CLVS1: variants seen among roughly 807,000 people sequenced by gnomAD.
CLVS1 encodes clavesin 1.
Under a neutral mutation model 33.1 loss-of-function variants are expected in CLVS1, and 10 were observed. The ratio of observed to expected loss-of-function variants is 0.30; its 90% CI spans 0.19 to 0.51. The LOEUF (loss-of-function observed/expected upper bound fraction) is 0.51. CLVS1 is among the 20% of genes least tolerant of loss of function. CLVS1 has a pLI of 0.97. For missense variants in CLVS1, 343 were observed against 433.4 expected (o/e 0.79, Z 1.85); for synonymous variants, 163 against 166.1 (o/e 0.98, Z 0.14).
intron 2 of CLVS1, among the ~76,000 whole-genome samples, chr8:61,250,737 G>C (rs1254154441): frequency 6.6e-6 from 1 of 152,104 alleles, no homozygotes; most frequent in Non-Finnish European, 1.5e-5. Context: ...TTGGTGTAAA[G>C]GAATGCATGT....
At chr8:61,027,371 G>A in the CLVS1 span, among the ~76,000 whole-genome samples, 1 of 152,104 alleles carries the variant, frequency 6.6e-6, no homozygotes, top group African/African-American at 2.4e-5. Flanking sequence ...TGAATTCAGT[G>A]GACCTAAGGC....
At chr8:60,974,453 C>T in the CLVS1 span, among the ~76,000 whole-genome samples, 1 of 152,198 alleles carries the variant, frequency 6.6e-6, no homozygotes, top group Non-Finnish European at 1.5e-5. Context: ...GTACTTTGAT[C>T]CATCCCTTCA....
chr8:61,335,288 G>A (rs968102151), intron 2 of CLVS1, among the ~76,000 whole-genome samples: 4 of 152,204 alleles, frequency 2.6e-5, no homozygotes, highest in Non-Finnish European at 5.9e-5. Flanking sequence ...CGACAAGAAG[G>A]AGGACTGCTT....
chr8:61,047,806 C>T, the CLVS1 span, among the ~76,000 whole-genome samples: 4 of 151,880 alleles, frequency 2.6e-5, no homozygotes, highest in South Asian at 2.1e-4. Context: ...TTGCGGGGAG[C>T]GGGGAGGGAT....
At chr8:60,982,792 C>G in the CLVS1 span, among the ~76,000 whole-genome samples, 1 of 152,164 alleles carries the variant, frequency 6.6e-6, no homozygotes, top group Non-Finnish European at 1.5e-5. Flanking sequence ...AAATGTGATG[C>G]TGGGCATGGT....
rs560022068 is a variant in CLVS1 at position 61,161,868 on chromosome 8, A to G, written c.-152+30008A>G. ...CTTAATAAGCATTTTTAAACTGTCTATGTATATCAAAACACCACATTGTAC... is the reference window on the plus strand; with the variant it reads ...CTTAATAAGCATTTTTAAACTGTCTGTGTATATCAAAACACCACATTGTAC... On this transcript the variant is annotated intron_variant, in intron 2 of 2. Coordinates refer to the CLVS1 transcript ENST00000522621. 4.6e-5 allele frequency among the ~76,000 whole-genome samples: 7 copies of G among 152,350 alleles called. No individual in the cohort carries two copies. The East Asian group carries it at 5.8e-4, about 13-fold the overall frequency.
intron 1 of CLVS1, 34 bp from the exon 2 acceptor site, chr8:61,299,643 T>C (rs912128306): frequency 1.7e-6 from 1 of 573,522 alleles, no homozygotes; most frequent in Non-Finnish European, 3.1e-6. Flanking sequence ...GTATCATCTC[T>C]CTTCTGTTTC....
intron 2 of CLVS1, among the ~76,000 whole-genome samples, chr8:61,250,176 TC>T (rs1310050788): frequency 6.6e-6 from 1 of 152,210 alleles, no homozygotes; most frequent in Non-Finnish European, 1.5e-5. Flanking sequence ...CAATAGGGAA[TC>T]TTTTCCCCAT....
intron 3 of CLVS1, among the ~76,000 whole-genome samples, chr8:61,406,756 C>T (rs970606911): frequency 1.2e-4 from 19 of 152,082 alleles, no homozygotes; most frequent in Admixed American, 7.9e-4. Flanking sequence ...TACAGGTGCA[C>T]GCCACCTCTC....
At chr8:61,127,854 C>A (rs557309220) in intron 1 of CLVS1, among the ~76,000 whole-genome samples, 11 of 152,176 alleles carry the variant, frequency 7.2e-5, no homozygotes, top group Non-Finnish European at 1.3e-4. Context: ...ATACTACTAG[C>A]ATTCTATTTT....
chr8:61,492,928 A>T (rs1439613741), intron 5 of CLVS1, among the ~76,000 whole-genome samples: 1 of 152,218 alleles, frequency 6.6e-6, no homozygotes, highest in Non-Finnish European at 1.5e-5. Flanking sequence ...AGCTGAACAG[A>T]AGAATACATG....
chr8:61,088,873 C>T (rs1009070874), intron 1 of CLVS1, among the ~76,000 whole-genome samples: 5 of 150,864 alleles, frequency 3.3e-5, no homozygotes, highest in South Asian at 2.1e-4. Flanking sequence ...GAGATCTCGG[C>T]TCACTGCAAG....
Position 61,158,227 on chromosome 8 carries a change from A to G in CLVS1, c.-152+26367A>G, listed in dbSNP as rs1424923869. Among the ~76,000 whole-genome samples the G allele has an allele frequency of 3.3e-5, 5 of 152,310 alleles. No homozygotes were observed. In the South Asian group the frequency reaches 8.3e-4, roughly 25 times the overall value. ...GCCAGATCCCCCATCCCTAAACTAC[A>G]TAATGTGTGATTCTACTCATATAAG... On this transcript the variant is annotated intron_variant, in intron 2 of 2. Coordinates refer to the CLVS1 transcript ENST00000522621.
chr8:61,223,349 A>G (rs535830159), intron 2 of CLVS1, among the ~76,000 whole-genome samples: 17 of 152,234 alleles, frequency 1.1e-4, no homozygotes, highest in African/African-American at 3.9e-4. Flanking sequence ...TGCTTCTTTC[A>G]GGAGTTCTTG....
chr8:61,112,207 C>G (rs1003158103), intron 1 of CLVS1, among the ~76,000 whole-genome samples: 2 of 141,420 alleles, frequency 1.4e-5, no homozygotes, highest in African/African-American at 5.7e-5. Context: ...CACACACACA[C>G]ACACACACAC....
rs545429020 is a variant in CLVS1 at position 61,451,810 on chromosome 8, C to CAGAG, written c.631-2330_631-2329insGAGA. ...CCCCTCTGTACAAAACACACACACA[C>CAGAG]ACAGAGAGAGAGAGAGAGAGAGAGA... On this transcript the variant is annotated intron_variant, in intron 3 of 5. Coordinates refer to ENST00000325897, the MANE Select transcript of CLVS1 (RefSeq NM_173519.3). 3.2e-3 allele frequency among the ~76,000 whole-genome samples: 446 copies of CAGAG among 137,414 alleles called. 1 individual carries two copies. Among genetic ancestry groups the CAGAG allele is most frequent in the Middle Eastern group, 0.011 (3 of 282 alleles). 90.1% of individuals were successfully genotyped at this position (137,414 alleles called of 152,430 possible). A position where few individuals can be genotyped will look rare whatever the true frequency, so the allele number is the denominator to read the frequency against.
At chr8:61,156,508 T>C (rs1303602706) in intron 2 of CLVS1, among the ~76,000 whole-genome samples, 1 of 152,214 alleles carries the variant, frequency 6.6e-6, no homozygotes, top group Non-Finnish European at 1.5e-5. Flanking sequence ...CGAACTTTCC[T>C]ATACAAGAAA....
intron 5 of CLVS1, 195 bp downstream of exon 5, chr8:61,458,737 C>T: frequency 2.0e-6 from 1 of 489,862 alleles, no homozygotes; most frequent in South Asian, 3.5e-5. Context: ...TATAGTTGTC[C>T]CCATTGTATC....
intron 2 of CLVS1, among the ~76,000 whole-genome samples, chr8:61,266,397 T>A (rs912603762): frequency 1.4e-4 from 22 of 152,152 alleles, no homozygotes; most frequent in African/African-American, 5.3e-4. Flanking sequence ...TAACCAGATT[T>A]GGTTAATATC....
Sources: gnomAD v4.1 joint callset for allele counts (sites outside exome capture counted in the v4.1 genomes callset) on GRCh38, gnomAD v4.1.1 for gene constraint, MANE v1.5 for transcripts, NCBI Gene and HGNC (gene_info 2026-07-23, HGNC 2026-07-21) for gene names.